USH2A: variants seen among roughly 807,000 people sequenced by gnomAD.
USH2A encodes the protein Usher syndrome 2A (autosomal recessive, mild).
USH2A carries 443 observed loss-of-function variants against 538.9 expected under a neutral mutation model. The observed-to-expected ratio is 0.82, with a 90% CI of 0.76 to 0.89. The LOEUF is 0.89. Ranked by LOEUF, USH2A falls within the 40% of genes least tolerant of loss-of-function variation. USH2A has a pLI of 0.00. For synonymous variants in USH2A, 2,413 were observed against 2,273.5 expected (o/e 1.06, Z -1.75); for missense variants, 6,633 against 6,324.8 (o/e 1.05, Z -1.65).
intron 70 of USH2A, among the ~76,000 whole-genome samples, chr1:215,633,538 C>T (rs188038318): frequency 4.1e-4 from 63 of 152,262 alleles, no homozygotes; most frequent in African/African-American, 1.5e-3. Context: ...CTGCTGTGTT[C>T]ACTCACTGCT....
chr1:216,151,298 A>T (rs1249707845), intron 21 of USH2A, among the ~76,000 whole-genome samples: 1 of 151,992 alleles, frequency 6.6e-6, no homozygotes, highest in Non-Finnish European at 1.5e-5. Flanking sequence ...TGCCTCGCAC[A>T]AGGTCTCTTC....
intron 32 of USH2A, among the ~76,000 whole-genome samples, chr1:216,035,702 G>A (rs895194206): frequency 2.6e-5 from 4 of 152,082 alleles, no homozygotes; most frequent in Admixed American, 6.6e-5. Context: ...ACCAAGTTTA[G>A]CATGTTAATT....
At chr1:215,735,794 A>T (rs1571633934) in intron 60 of USH2A, among the ~76,000 whole-genome samples, 1 of 152,018 alleles carries the variant, frequency 6.6e-6, no homozygotes, top group Admixed American at 6.6e-5. Flanking sequence ...ATAACCATGA[A>T]CCTCTTTCAT....
intron 64 of USH2A, among the ~76,000 whole-genome samples, chr1:215,663,559 A>G (rs1294767925): frequency 6.6e-6 from 1 of 152,088 alleles, no homozygotes; most frequent in East Asian, 1.9e-4. Context: ...TCTGGCTGGA[A>G]GCATTTCCCG....
intron 21 of USH2A, among the ~76,000 whole-genome samples, chr1:216,138,947 T>C (rs1003929395): frequency 1.3e-5 from 2 of 152,042 alleles, no homozygotes; most frequent in Non-Finnish European, 2.9e-5. Context: ...TGTGTGTATA[T>C]ATATGTGTGT....
chr1:216,227,824 TAAG>T (rs1477583136), intron 14 of USH2A, among the ~76,000 whole-genome samples: 2 of 152,120 alleles, frequency 1.3e-5, no homozygotes, highest in Non-Finnish European at 2.9e-5. Context: ...AGTAAATTGA[TAAG>T]AAGTACATAC....
intron 58 of USH2A, among the ~76,000 whole-genome samples, chr1:215,754,692 G>T (rs1000433259): frequency 8.5e-5 from 13 of 152,108 alleles, no homozygotes; most frequent in African/African-American, 2.4e-4. Context: ...TAATTGCAAA[G>T]ATCCCAAGAA....
intron 38 of USH2A, among the ~76,000 whole-genome samples, chr1:215,920,162 T>G (rs1160798730): frequency 6.6e-6 from 1 of 152,086 alleles, no homozygotes. Flanking sequence ...TCAAAGACCT[T>G]TGTGTTCAAT....
At chr1:216,053,071 A>C (rs182152838) in intron 30 of USH2A, among the ~76,000 whole-genome samples, 2 of 152,214 alleles carry the variant, frequency 1.3e-5, no homozygotes, top group African/African-American at 2.4e-5. Context: ...TGATTTTTAC[A>C]AGGTTTCTAA....
chr1:215,766,661 C>T lies in USH2A; in HGVS notation c.11047+20G>A. On this transcript the variant is annotated intron_variant, in intron 56 of 71. Transcript: ENST00000307340. ...TATGTGAAAATTTCTTCCCTCAAAC[C>T]ATGGATATTGTTTCATTACCTTCAG... The T allele has an allele frequency of 6.2e-7, 1 of 1,605,602 alleles. No individual in the cohort carries two copies.
At chr1:216,420,043 A>G (rs1386478623) in intron 2 of USH2A, among the ~76,000 whole-genome samples, 1 of 152,158 alleles carries the variant, frequency 6.6e-6, no homozygotes, top group Non-Finnish European at 1.5e-5. Context: ...AGTAGAAATA[A>G]AAGTTTTATA....
At chr1:215,670,846 A>C in intron 64 of USH2A, 126 bp downstream of exon 64, 1 of 961,270 alleles carries the variant, frequency 1.0e-6, no homozygotes, top group Non-Finnish European at 1.6e-6. Context: ...TTTTTAAGGA[A>C]TATTATTATT....
intron 3 of USH2A, among the ~76,000 whole-genome samples, chr1:216,400,874 C>T (rs1423852067): frequency 2.0e-5 from 3 of 152,096 alleles, no homozygotes; most frequent in Non-Finnish European, 2.9e-5. Flanking sequence ...AATCAAGACA[C>T]TCTCAGATGA....
chr1:216,319,833 C>T (rs1416979525), intron 9 of USH2A, among the ~76,000 whole-genome samples: 1 of 152,064 alleles, frequency 6.6e-6, no homozygotes, highest in Non-Finnish European at 1.5e-5. Flanking sequence ...ATGGAATTTG[C>T]CAAAACCTTT....
At chr1:216,129,100 G>A (rs1243658021) in intron 21 of USH2A, among the ~76,000 whole-genome samples, 3 of 151,808 alleles carry the variant, frequency 2.0e-5, no homozygotes, top group Non-Finnish European at 4.4e-5. Context: ...CTTTTTTAAT[G>A]GCTGAATATT....
rs1387939632 is a variant in USH2A, at chr1:215,790,261, T to A, written c.9980A>T (p.Asp3327Val). The change falls in exon 51 of 72, where the codon GAT (aspartate) becomes GTT (valine). Residue 3327 changes from aspartate (D) to valine (V), a missense_variant. Coordinates refer to ENST00000307340, the MANE Select transcript of USH2A (RefSeq NM_206933.4). ...RLPGMFCCGQ[D>V]YVNMSDTICC... ...TATGGTATCTGACATATTCACATAA[T>A]CCTGCCCACAACAGAACATACCTGC... 1 of 1,613,994 alleles carries A rather than the reference T, an allele frequency of 6.2e-7. No individual in the cohort carries two copies. Among genetic ancestry groups the A allele is most frequent in the Admixed American group, 1.7e-5 (1 of 60,002 alleles).
At chr1:216,219,289 A>C (rs1302718537) in intron 14 of USH2A, among the ~76,000 whole-genome samples, 1 of 152,078 alleles carries the variant, frequency 6.6e-6, no homozygotes, top group African/African-American at 2.4e-5. Flanking sequence ...TGTTATAATC[A>C]CTTGACTTCA....
intron 19 of USH2A, 46 bp from the exon 20 acceptor site, chr1:216,190,413 A>T (rs1376475063): frequency 6.9e-6 from 11 of 1,596,020 alleles, no homozygotes; most frequent in Non-Finnish European, 9.4e-6. Context: ...GATAATAGGT[A>T]ATCAGTGTGA....
At chr1:216,020,081 TCA>T (rs1190417080) in intron 32 of USH2A, among the ~76,000 whole-genome samples, 4 of 152,186 alleles carry the variant, frequency 2.6e-5, no homozygotes. Context: ...AATTTTCAAA[TCA>T]CAGTCTGTTG....
Sources: allele counts gnomAD v4.1 joint callset (sites outside exome capture counted in the v4.1 genomes callset), GRCh38; gene constraint gnomAD v4.1.1; transcripts MANE v1.5; gene names NCBI Gene and HGNC (gene_info 2026-07-23, HGNC 2026-07-21).